Variants in GRIK2 observed in about 807,000 individuals in gnomAD.
The protein encoded by GRIK2 is glutamate ionotropic receptor kainate type subunit 2.
Under a neutral mutation model 100.3 loss-of-function variants are expected in GRIK2, and 32 were observed. The ratio of observed to expected loss-of-function variants is 0.32; its 90% confidence interval spans 0.24 to 0.43. GRIK2 has a LOEUF of 0.43. GRIK2 is among the 20% of genes least tolerant of loss of function. The probability of loss-of-function intolerance (pLI) is 1.00; values close to 1 mark genes in which losing one functional copy is unlikely to be tolerated. For missense variants in GRIK2, 843 were observed against 1,114.9 expected (o/e 0.76, Z 3.47); for synonymous variants, 417 against 389.4 (o/e 1.07, Z -0.83).
rs543533740 is a variant in GRIK2 at position 101,883,035 on chromosome 6, A to G, written c.1525-6605A>G. Among the ~76,000 whole-genome samples the G allele has an allele frequency of 3.0e-4, 45 of 152,000 alleles. No homozygotes were observed. The East Asian group carries it at 8.7e-3, about 29-fold the overall frequency. Reference sequence around the variant, plus strand: ...TTAAAATTATTTTTTATCCTTTTATATGATCCCAGTATTAACCATATAATC... The same window carrying G: ...TTAAAATTATTTTTTATCCTTTTATGTGATCCCAGTATTAACCATATAATC... On this transcript the variant is annotated intron_variant, in intron 11 of 16. Transcript: ENST00000369134.
intron 2 of GRIK2, among the ~76,000 whole-genome samples, chr6:101,501,006 C>G (rs1773720923): frequency 6.6e-6 from 1 of 151,988 alleles, no homozygotes; most frequent in South Asian, 2.1e-4. Flanking sequence ...GTTCTTTTCT[C>G]AAAAATGGGG....
chr6:101,808,920 A>T lies in GRIK2; in HGVS notation c.1203+6482A>T, dbSNP rs558394741. Among the ~76,000 whole-genome samples, 4 of 150,706 alleles carry T rather than the reference A, an allele frequency of 2.7e-5. No homozygotes were observed. In the South Asian group the frequency reaches 6.3e-4, roughly 24 times the overall value. On this transcript the variant is annotated intron_variant, in intron 9 of 16. Transcript: ENST00000369134. The stretch of plus-strand genomic sequence containing the variant: ...TTTGTGTATCCTTTGGGAAAATCTT[A>T]AAAAAAAATACAGAAAGACATTTTA...
intron 10 of GRIK2, among the ~76,000 whole-genome samples, chr6:101,823,459 T>TG: frequency 9.0e-6 from 1 of 110,668 alleles, no homozygotes; most frequent in Admixed American, 8.9e-5. Context: ...ATGCCCTAAT[T>TG]TTATTGTTTG....
chr6:101,548,037 T>G (rs978732591), intron 2 of GRIK2, among the ~76,000 whole-genome samples: 11 of 152,010 alleles, frequency 7.2e-5, no homozygotes, highest in Admixed American at 1.3e-4. Flanking sequence ...TGGTATCTCA[T>G]TGTGGTTTTG....
intron 2 of GRIK2, among the ~76,000 whole-genome samples, chr6:101,545,500 T>C (rs1776189111): frequency 6.6e-6 from 1 of 152,192 alleles, no homozygotes; most frequent in Non-Finnish European, 1.5e-5. Context: ...AGAGAGTTTT[T>C]TTGAAAGATA....
At chr6:101,986,431 C>T (rs1340369089) in intron 14 of GRIK2, among the ~76,000 whole-genome samples, 1 of 151,780 alleles carries the variant, frequency 6.6e-6, no homozygotes, top group Admixed American at 6.6e-5. Flanking sequence ...CCTGAGCTAG[C>T]CAAACATTAC....
intron 7 of GRIK2, among the ~76,000 whole-genome samples, chr6:101,738,987 G>A (rs999660946): frequency 3.9e-5 from 6 of 152,162 alleles, no homozygotes; most frequent in African/African-American, 1.4e-4. Context: ...TCTGCATAGC[G>A]CACAGATGTA....
At chr6:101,978,900 C>T (rs1582657243) in intron 14 of GRIK2, among the ~76,000 whole-genome samples, 1 of 151,938 alleles carries the variant, frequency 6.6e-6, no homozygotes, top group South Asian at 2.1e-4. Context: ...TCTAATACTA[C>T]TTAATGGCAG....
intron 2 of GRIK2, among the ~76,000 whole-genome samples, chr6:101,451,089 A>C (rs748019519): frequency 1.3e-5 from 2 of 151,640 alleles, no homozygotes; most frequent in Non-Finnish European, 3.0e-5. Flanking sequence ...ACAGTCTCTA[A>C]ATCATTCTTC....
intron 14 of GRIK2, among the ~76,000 whole-genome samples, chr6:101,972,365 A>AT (rs373687169): frequency 1.3e-5 from 2 of 151,750 alleles, no homozygotes; most frequent in Non-Finnish European, 2.9e-5. Context: ...GGTGATGAAC[A>AT]TTTTTTCATA....
At chr6:101,865,032 G>A (rs1025614951) in intron 11 of GRIK2, among the ~76,000 whole-genome samples, 1 of 152,032 alleles carries the variant, frequency 6.6e-6, no homozygotes, top group Non-Finnish European at 1.5e-5. Context: ...AGTGCATCGG[G>A]CAATAAATGC....
Position 101,909,371 on chromosome 6 carries a change from GTTTTCTTTTTCT to G in GRIK2, c.1749-15225_1749-15214del, listed in dbSNP as rs1303711407. 7.8e-4 allele frequency among the ~76,000 whole-genome samples: 65 copies of G among 83,538 alleles called. 9 individuals are homozygous for G. The South Asian group carries it at 0.014, about 18-fold the overall frequency. The allele number at this position is 83,538 out of a possible 152,430, so 54.8% of individuals were successfully genotyped here. A position where few individuals can be genotyped will look rare whatever the true frequency, so the allele number is the denominator to read the frequency against. On this transcript the variant is annotated intron_variant, in intron 12 of 16. Coordinates refer to ENST00000369134, the MANE Select transcript of GRIK2 (RefSeq NM_021956.5). ...TTTTTGGATGCTGAAGGAAGATAGGGTTTTCTTTTTCTTTTTTTTTTTTTTAAAGATCATTTG... is the reference window on the plus strand; with the variant it reads ...TTTTTGGATGCTGAAGGAAGATAGGGTTTTTTTTTTTTTAAAGATCATTTG...
intron 11 of GRIK2, among the ~76,000 whole-genome samples, chr6:101,877,960 G>A (rs930190946): frequency 2.6e-5 from 4 of 151,498 alleles, no homozygotes; most frequent in African/African-American, 9.7e-5. Context: ...ACTTGGTTAT[G>A]TTCTCTGAGC....
At chr6:101,523,720 C>CTTTTTTTTTTTTTTTTT (rs1163558120) in intron 2 of GRIK2, among the ~76,000 whole-genome samples, 7 of 121,534 alleles carry the variant, frequency 5.8e-5, no homozygotes, top group African/African-American at 1.2e-4. Context: ...ACTCCTAAGT[C>CTTTTTTTTTTTTTTTTT]TTTTTTTTTT....
intron 14 of GRIK2, among the ~76,000 whole-genome samples, chr6:102,022,312 T>C (rs771689039): frequency 6.6e-6 from 1 of 151,648 alleles, no homozygotes; most frequent in East Asian, 1.9e-4. Context: ...CTCAGTGAAG[T>C]AGTTATTTCT....
At position 101,883,532 on chromosome 6, in the gene GRIK2, C is replaced by T. The variant is rs79722730; in HGVS notation, c.1525-6108C>T. 2.9e-3 allele frequency among the ~76,000 whole-genome samples: 436 copies of T among 152,060 alleles called. 1 individual carries two copies. Among genetic ancestry groups the T allele is most frequent in the African/African-American group, 0.01 (420 of 41,478 alleles). Reference sequence around the variant, plus strand: ...GACAAGTGACAATGTCTGTTTATGGCACATTTCATGAAGAAAATTAAAGTA... The same window carrying T: ...GACAAGTGACAATGTCTGTTTATGGTACATTTCATGAAGAAAATTAAAGTA... On this transcript the variant is annotated intron_variant, in intron 11 of 16. Transcript: ENST00000369134.
intron 2 of GRIK2, among the ~76,000 whole-genome samples, chr6:101,517,482 T>C (rs1176778843): frequency 1.3e-5 from 2 of 152,124 alleles, no homozygotes; most frequent in African/African-American, 4.8e-5. Flanking sequence ...TCAAGAATTT[T>C]TACCTGTATC....
At chr6:101,978,400 A>G (rs746178438) in intron 14 of GRIK2, among the ~76,000 whole-genome samples, 1 of 152,036 alleles carries the variant, frequency 6.6e-6, no homozygotes, top group Non-Finnish European at 1.5e-5. Flanking sequence ...ATGACTAAAT[A>G]TAGTAATATA....
chr6:101,825,958 T>C (rs1321450004), intron 10 of GRIK2, among the ~76,000 whole-genome samples: 2 of 152,128 alleles, frequency 1.3e-5, no homozygotes, highest in African/African-American at 4.8e-5. Context: ...CACTTAGATA[T>C]ACAGTATCAT....
Sources: gnomAD v4.1 joint callset for allele counts (sites outside exome capture counted in the v4.1 genomes callset) on GRCh38, gnomAD v4.1.1 for gene constraint, MANE v1.5 for transcripts, NCBI Gene and HGNC (gene_info 2026-07-23, HGNC 2026-07-21) for gene names.